ANO4: variants seen among roughly 807,000 people sequenced by gnomAD.
The protein encoded by ANO4 is anoctamin-4.
ANO4 carries 69 observed loss-of-function variants against 141.9 expected under a neutral mutation model. The ratio of observed to expected loss-of-function variants is 0.49; its 90% CI spans 0.40 to 0.59. The LOEUF is 0.59. ANO4 is among the 20% of genes least tolerant of loss of function. The pLI, the probability that ANO4 is intolerant of heterozygous loss-of-function variation, is 0.00. For missense variants in ANO4, 894 were observed against 1,162.2 expected (o/e 0.77, Z 3.36); for synonymous variants, 350 against 394.3 (o/e 0.89, Z 1.33).
intron 6 of ANO4, among the ~76,000 whole-genome samples, chr12:100,973,325 A>G (rs935971283): frequency 6.6e-6 from 1 of 152,194 alleles, no homozygotes; most frequent in Admixed American, 6.5e-5. Context: ...AAATGTACAA[A>G]CATCATTTTA....
chr12:101,104,019 C>A (rs1472686415), intron 22 of ANO4, among the ~76,000 whole-genome samples: 2 of 151,850 alleles, frequency 1.3e-5, no homozygotes, highest in Non-Finnish European at 2.9e-5. Flanking sequence ...TCAAACTTAG[C>A]AGCGTAAAAT....
chr12:100,834,320 A>G (rs769618192), intron 1 of ANO4, among the ~76,000 whole-genome samples: 2 of 152,144 alleles, frequency 1.3e-5, no homozygotes, highest in East Asian at 1.9e-4. Flanking sequence ...TGAACTTATT[A>G]TCACCAAAGA....
At chr12:100,783,587 A>G (rs2135587001) in intron 3 of ANO4, among the ~76,000 whole-genome samples, 1 of 152,296 alleles carries the variant, frequency 6.6e-6, no homozygotes, top group African/African-American at 2.4e-5. Context: ...TATAGGAAAG[A>G]GAAGGCACTC....
intron 5 of ANO4, among the ~76,000 whole-genome samples, chr12:100,958,747 C>T (rs998833054): frequency 6.6e-6 from 1 of 152,144 alleles, no homozygotes; most frequent in Non-Finnish European, 1.5e-5. Context: ...ACTTGGGAGG[C>T]TGAGGCAGGA....
At chr12:101,100,853 A>C (rs2136965335) in intron 22 of ANO4, among the ~76,000 whole-genome samples, 1 of 152,308 alleles carries the variant, frequency 6.6e-6, no homozygotes, top group East Asian at 1.9e-4. Flanking sequence ...ATAGTGGAAA[A>C]GTGTATATAA....
intron 5 of ANO4, among the ~76,000 whole-genome samples, chr12:100,954,351 CTAA>C (rs1262869152): frequency 6.6e-6 from 1 of 152,208 alleles, no homozygotes; most frequent in Non-Finnish European, 1.5e-5. Context: ...TGGGATCTCA[CTAA>C]TGCCCTTCTG....
chr12:100,834,888 G>A (rs2036823012), intron 1 of ANO4, among the ~76,000 whole-genome samples: 1 of 152,130 alleles, frequency 6.6e-6, no homozygotes, highest in Non-Finnish European at 1.5e-5. Flanking sequence ...AATGGCAAGT[G>A]CAAACACAGG....
At chr12:100,995,020 G>A (rs2136370220) in intron 8 of ANO4, among the ~76,000 whole-genome samples, 1 of 152,164 alleles carries the variant, frequency 6.6e-6, no homozygotes, top group Admixed American at 6.6e-5. Flanking sequence ...AAATTATCCA[G>A]CCTCAAAAGT....
chr12:100,738,803 T>C (rs899046925), intron 2 of ANO4, among the ~76,000 whole-genome samples: 1 of 151,818 alleles, frequency 6.6e-6, no homozygotes, highest in Non-Finnish European at 1.5e-5. Flanking sequence ...TTTTAACATG[T>C]GTGTGGTAAG....
chr12:101,092,378 T>A (rs1051940289), intron 17 of ANO4, among the ~76,000 whole-genome samples: 1 of 152,238 alleles, frequency 6.6e-6, no homozygotes, highest in Non-Finnish European at 1.5e-5. Flanking sequence ...TTACAGATAT[T>A]CACAATGAGA....
At chr12:100,819,634 G>A (rs539355520) in intron 1 of ANO4, among the ~76,000 whole-genome samples, 20 of 151,968 alleles carry the variant, frequency 1.3e-4, no homozygotes, top group Non-Finnish European at 2.5e-4. Context: ...TGATAGGTTC[G>A]CTGCTCTATA....
At chr12:100,822,355 G>A (rs913668324) in intron 1 of ANO4, among the ~76,000 whole-genome samples, 5 of 151,954 alleles carry the variant, frequency 3.3e-5, no homozygotes, top group South Asian at 2.1e-4. Context: ...GTCCCAACTC[G>A]AGTCTAACTA....
At chr12:101,116,866 G>A in intron 25 of ANO4, 68 bp downstream of exon 25, 1 of 1,603,180 alleles carries the variant, frequency 6.2e-7, no homozygotes, top group South Asian at 1.1e-5. Flanking sequence ...GTTTTACTCT[G>A]AAGGCCCCTT....
chr12:101,077,964 A>T (rs1238446416), intron 14 of ANO4, among the ~76,000 whole-genome samples: 1 of 152,106 alleles, frequency 6.6e-6, no homozygotes, highest in Non-Finnish European at 1.5e-5. Flanking sequence ...CTTGTATCTG[A>T]TCTGGATTTC....
chr12:100,900,357 GGTTT>G (rs941254074), intron 1 of ANO4, among the ~76,000 whole-genome samples: 9 of 151,760 alleles, frequency 5.9e-5, no homozygotes, highest in Admixed American at 5.3e-4. Flanking sequence ...ACAACGTGCA[GGTTT>G]GTTACATATG....
chr12:101,029,353 G>A (rs866936976), intron 9 of ANO4, among the ~76,000 whole-genome samples: 1 of 151,910 alleles, frequency 6.6e-6, no homozygotes, highest in Non-Finnish European at 1.5e-5. Flanking sequence ...CATGTAAATG[G>A]GCAAAATGCC....
Position 101,097,692 on chromosome 12 carries a change from G to T in ANO4, c.1892G>T (p.Arg631Met). 1 of 1,613,834 alleles carries T rather than the reference G, an allele frequency of 6.2e-7. No individual in the cohort carries two copies. Among genetic ancestry groups the T allele is most frequent in the East Asian group, 2.2e-5 (1 of 44,864 alleles). The part of the protein sequence containing the change: ...HPGAYLRLIN[R>M]WRLEECHPSG... ...GGTGCCTACTTGAGGCTGATAAACA[G>T]GTGGAGACTAGAAGAGGTCTGTATT... The change falls in exon 20 of 28, where the codon AGG becomes ATG. Residue 631 changes from arginine (R) to methionine (M), a missense_variant. By Grantham distance (91) the Arg-to-Met change is moderately conservative. Coordinates refer to ENST00000392977, the MANE Select transcript of ANO4 (RefSeq NM_001286615.2).
exon 2 of ANO4, chr12:100,733,777 A>G (rs2031493377): frequency 4.3e-6 from 3 of 701,160 alleles, no homozygotes; most frequent in Non-Finnish European, 7.8e-6. Flanking sequence ...TTAACAGACA[A>G]AGATGTGAGC....
intron 15 of ANO4, among the ~76,000 whole-genome samples, chr12:101,080,532 G>T (rs1593216316): frequency 6.6e-6 from 1 of 152,046 alleles, no homozygotes; most frequent in Non-Finnish European, 1.5e-5. Flanking sequence ...ACTTTGGGAG[G>T]CCAAGGAAGG....
Sources: gnomAD v4.1 joint callset for allele counts (sites outside exome capture counted in the v4.1 genomes callset) on GRCh38, gnomAD v4.1.1 for gene constraint, MANE v1.5 for transcripts, NCBI Gene and HGNC (gene_info 2026-07-23, HGNC 2026-07-21) for gene names.